KDM3B: variants seen among roughly 807,000 people sequenced by gnomAD.
The protein encoded by KDM3B is lysine-specific demethylase 3B.
KDM3B carries 10 observed loss-of-function variants against 170.0 expected under a neutral mutation model. The ratio of observed to expected loss-of-function variants is 0.06; its 90% CI spans 0.04 to 0.10. The LOEUF is 0.10. Among genes scored for constraint, KDM3B ranks in the 10% least tolerant of loss-of-function variants. The pLI is 1.00. For synonymous variants in KDM3B, 831 were observed against 834.8 expected, an observed-to-expected ratio of 1.00 and a Z score of 0.08; for missense variants, 1,394 against 2,195.2, an observed-to-expected ratio of 0.64 and a Z score of 7.29.
intron 1 of KDM3B, among the ~76,000 whole-genome samples, chr5:138,363,286 C>A (rs984455746): frequency 7.9e-5 from 12 of 152,102 alleles, no homozygotes; most frequent in Non-Finnish European, 1.5e-4. Flanking sequence ...CGATTTATTA[C>A]GGAATTTCTA....
At chr5:138,425,110 AGGAAGTGTTC>A (rs1175610470) in intron 16 of KDM3B, among the ~76,000 whole-genome samples, 1 of 152,344 alleles carries the variant, frequency 6.6e-6, no homozygotes, top group Non-Finnish European at 1.5e-5. Context: ...TTTCAATATG[AGGAAGTGTTC>A]TCAAAGTTGG....
chr5:138,392,206 C>A lies in KDM3B; in HGVS notation c.2574C>A (p.Gly858=). ...NGERSAELLL[G]KSKGKQAPKG... ...AGCGCAGTGCTGAGCTGTTGCTGGGCAAAAGCAAAGGGAAGCAGGCCCCCA... is the reference window on the plus strand; with the variant it reads ...AGCGCAGTGCTGAGCTGTTGCTGGGAAAAAGCAAAGGGAAGCAGGCCCCCA... Residue 858 remains glycine (G), a synonymous_variant, in exon 8 of 24, where the codon GGC becomes GGA. Transcript: ENST00000314358. 6.6e-7 allele frequency: 1 copy of A among 1,510,406 alleles called. No individual in the cohort carries two copies. Among genetic ancestry groups the A allele is most frequent in the Non-Finnish European group, 8.9e-7 (1 of 1,127,702 alleles). The allele number at this position is 1,510,406 out of a possible 1,614,324, so 93.6% of individuals were successfully genotyped here. A position where few individuals can be genotyped will look rare whatever the true frequency, so the allele number is the denominator to read the frequency against.
intron 9 of KDM3B, 122 bp downstream of exon 9, chr5:138,393,494 C>A: frequency 1.3e-6 from 1 of 768,928 alleles, no homozygotes; most frequent in Non-Finnish European, 2.1e-6. Context: ...AACTCCTTTG[C>A]TCTCAGCGTC....
chr5:138,365,501 GC>G (rs1761721824), intron 1 of KDM3B, among the ~76,000 whole-genome samples: 1 of 151,686 alleles, frequency 6.6e-6, no homozygotes, highest in South Asian at 2.1e-4. Context: ...CAGGTGATCT[GC>G]CTGCCTCGGC....
intron 11 of KDM3B, among the ~76,000 whole-genome samples, chr5:138,414,307 A>G (rs1763048048): frequency 1.3e-5 from 2 of 152,148 alleles, no homozygotes; most frequent in African/African-American, 4.8e-5. Flanking sequence ...CTGGGACCAC[A>G]GACAACCGCC....
chr5:138,406,885 C>A (rs1275131559), intron 11 of KDM3B, among the ~76,000 whole-genome samples: 1 of 150,554 alleles, frequency 6.6e-6, no homozygotes, highest in South Asian at 2.1e-4. Context: ...GAGACCCTAT[C>A]TCTTTAATAA....
At chr5:138,357,275 T>C (rs1261492813) in intron 1 of KDM3B, among the ~76,000 whole-genome samples, 2 of 151,906 alleles carry the variant, frequency 1.3e-5, no homozygotes, top group East Asian at 3.9e-4. Flanking sequence ...CATGAGCCAC[T>C]GTGCCTGGCC....
At chr5:138,399,545 T>A (rs571590939) in intron 10 of KDM3B, among the ~76,000 whole-genome samples, 58 of 151,440 alleles carry the variant, frequency 3.8e-4, no homozygotes, top group East Asian at 1.4e-3. Flanking sequence ...CTCAAAAAAA[T>A]ATATATATAT....
At chr5:138,433,557 A>C (rs564471573) in intron 23 of KDM3B, among the ~76,000 whole-genome samples, 15 of 148,946 alleles carry the variant, frequency 1.0e-4, no homozygotes, top group Non-Finnish European at 1.9e-4. Context: ...GCAGGCATGC[A>C]CCACCATACC....
intron 19 of KDM3B, 26 bp from the exon 20 acceptor site, chr5:138,427,941 C>T (rs1184278144): frequency 1.2e-6 from 2 of 1,607,312 alleles, no homozygotes; most frequent in African/African-American, 2.7e-5. Context: ...GGCCCTTCAC[C>T]TTGCATATTT....
At chr5:138,392,809 A>C (rs1308364723) in intron 8 of KDM3B, among the ~76,000 whole-genome samples, 1 of 152,198 alleles carries the variant, frequency 6.6e-6, no homozygotes, top group Non-Finnish European at 1.5e-5. Flanking sequence ...AGCTGTTCTC[A>C]ATAGGAATTG....
chr5:138,359,286 T>C (rs921782555), intron 1 of KDM3B, among the ~76,000 whole-genome samples: 1 of 151,810 alleles, frequency 6.6e-6, no homozygotes, highest in African/African-American at 2.4e-5. Context: ...CTTAGTCTCC[T>C]GCGTAGTTGT....
At chr5:138,413,363 A>G (rs1763022693) in intron 11 of KDM3B, among the ~76,000 whole-genome samples, 1 of 151,834 alleles carries the variant, frequency 6.6e-6, no homozygotes, top group Non-Finnish European at 1.5e-5. Flanking sequence ...AGCCTGGGCG[A>G]CAAAGCGAGA....
chr5:138,382,016 G>A (rs1762137777), intron 6 of KDM3B, among the ~76,000 whole-genome samples: 1 of 150,456 alleles, frequency 6.6e-6, no homozygotes, highest in Admixed American at 6.6e-5. Flanking sequence ...CTGAAATTCT[G>A]TATTCCCAAG....
At chr5:138,390,421 G>A (rs1249851472) in intron 7 of KDM3B, among the ~76,000 whole-genome samples, 1 of 152,130 alleles carries the variant, frequency 6.6e-6, no homozygotes, top group Non-Finnish European at 1.5e-5. Flanking sequence ...AGGTTGACTT[G>A]AACCCATAAA....
Position 138,425,473 on chromosome 5 carries a change from T to C in KDM3B, c.4302T>C (p.Phe1434=), listed in dbSNP as rs1476347463. The C allele has an allele frequency of 6.2e-7, 1 of 1,614,054 alleles. No homozygotes were observed. The highest frequency in any genetic ancestry group is 8.5e-7 in the Non-Finnish European group (1 of 1,180,036). Residue 1434 remains phenylalanine, a synonymous_variant, in exon 17 of 24, where the codon TTT becomes TTC. Transcript: ENST00000314358. ...LKSELWKPEA[F]SQEFGDQDVD... ...CTGAGCTCTGGAAGCCAGAAGCCTT[T>C]AGCCAGGAATTTGGAGACCAGGATG...
chr5:138,426,985 G>A lies in KDM3B; in HGVS notation c.4422G>A (p.Arg1474=), dbSNP rs1214702854. The A allele has an allele frequency of 6.2e-7, 1 of 1,613,900 alleles. No individual in the cohort carries two copies. The highest frequency in any genetic ancestry group is 1.7e-5 in the Admixed American group (1 of 59,990). Residue 1474 remains arginine (R), a synonymous_variant, in exon 18 of 24, where the codon CGG becomes CGA. Coordinates refer to ENST00000314358, the MANE Select transcript of KDM3B (RefSeq NM_016604.4). ...TTCTCTGTCTTCCAGAACGACTACG[G>A]TCAGAAGATGGGCAGCCAATGGTGC... ...DGFEIICKRL[R]SEDGQPMVLK...
At chr5:138,365,138 A>G (rs2126913753) in intron 1 of KDM3B, among the ~76,000 whole-genome samples, 1 of 152,312 alleles carries the variant, frequency 6.6e-6, no homozygotes, top group South Asian at 2.1e-4. Flanking sequence ...AAAATTGGAA[A>G]ATTTAGGAGC....
At chr5:138,428,179 C>CTT in intron 20 of KDM3B, 93 bp downstream of exon 20, 30 of 989,220 alleles carry the variant, frequency 3.0e-5, no homozygotes, top group Middle Eastern at 2.4e-4. Flanking sequence ...GTGGCTTTTC[C>CTT]TTTTTTTTTT....
Sources: gnomAD v4.1 joint callset for allele counts (sites outside exome capture counted in the v4.1 genomes callset) on GRCh38, gnomAD v4.1.1 for gene constraint, MANE v1.5 for transcripts, NCBI Gene and HGNC (gene_info 2026-07-23, HGNC 2026-07-21) for gene names.